GUCY2D: variants seen among roughly 807,000 people sequenced by gnomAD.
GUCY2D encodes retinal guanylyl cyclase 1.
GUCY2D carries 70 observed loss-of-function variants against 101.3 expected under a neutral mutation model. The observed-to-expected ratio is 0.69, with a 90% CI of 0.57 to 0.84. GUCY2D has a LOEUF of 0.84. Ranked by LOEUF, GUCY2D falls within the 40% of genes least tolerant of loss-of-function variation. The probability of loss-of-function intolerance (pLI) is 0.00; values close to 1 mark genes in which losing one functional copy is unlikely to be tolerated. For missense variants in GUCY2D, 1,460 were observed against 1,542.5 expected, an observed-to-expected ratio of 0.95 and a Z score of 0.90; for synonymous variants, 688 against 670.7, an observed-to-expected ratio of 1.03 and a Z score of -0.40.
rs1975937976 is a variant in GUCY2D, at chr17:8,015,057, G to A, written c.2769+6G>A. ...GTTCCCACGATGTCTACAAGGTGCAGTGTGTAGGGGACAAGCCCTCCTGAC... is the reference window on the plus strand; with the variant it reads ...GTTCCCACGATGTCTACAAGGTGCAATGTGTAGGGGACAAGCCCTCCTGAC... On this transcript the variant is annotated splice_donor_region_variant and intron_variant, in intron 14 of 19. Transcript: ENST00000254854. 1 of 1,611,560 alleles carries A rather than the reference G, an allele frequency of 6.2e-7. No homozygotes were observed. The highest frequency in any genetic ancestry group is 8.5e-7 in the Non-Finnish European group (1 of 1,178,472).
chr17:8,015,803 C>T lies in GUCY2D; in HGVS notation c.3005C>T (p.Thr1002Met), dbSNP rs1462685344. 1 of 1,612,632 alleles carries T rather than the reference C, an allele frequency of 6.2e-7. No individual in the cohort carries two copies. The highest frequency in any genetic ancestry group is 8.5e-7 in the Non-Finnish European group (1 of 1,179,530). ...CCGCGGTACTGCCTGTTTGGGGACA[C>T]GGTCAACACCGCCTCGCGCATGGAG... ...TMPRYCLFGD[T>M]VNTASRMEST... The change falls in exon 16 of 20, where the codon ACG (threonine) becomes ATG (methionine). Residue 1002 changes from threonine (T) to methionine (M), a missense_variant. Around this residue, in one of 3 missense-constraint regions of GUCY2D, gnomAD observed 215 missense variants for 227.9 expected, o/e 0.94. Coordinates refer to ENST00000254854, the MANE Select transcript of GUCY2D (RefSeq NM_000180.4).
chr17:8,012,068 A>C, intron 8 of GUCY2D, 76 bp from the exon 9 acceptor site: 1 of 1,059,958 alleles, frequency 9.4e-7, no homozygotes, highest in Non-Finnish European at 1.5e-6. Context: ...TGGATACTCA[A>C]AAACAGATCT....
intron 3 of GUCY2D, among the ~76,000 whole-genome samples, chr17:8,005,187 G>A (rs1372033440): frequency 1.3e-5 from 2 of 152,064 alleles, no homozygotes; most frequent in East Asian, 1.9e-4. Context: ...AAGATCATTC[G>A]AATTCATCCG....
intron 17 of GUCY2D, 70 bp downstream of exon 17, chr17:8,016,091 G>A: frequency 1.4e-6 from 2 of 1,431,300 alleles, no homozygotes; most frequent in Non-Finnish European, 9.7e-7. Flanking sequence ...CCGGGCCGCG[G>A]CTGCAAACCT....
Position 8,014,183 on chromosome 17 carries a change from C to A in GUCY2D, c.2412+155C>A, listed in dbSNP as rs890017383. 1.4e-6 allele frequency: 1 copy of A among 729,950 alleles called. No individual in the cohort carries two copies. Among genetic ancestry groups the A allele is most frequent in the Non-Finnish European group, 2.4e-6 (1 of 414,102 alleles). 45.2% of individuals were successfully genotyped at this position (729,950 alleles called of 1,614,324 possible). On this transcript the variant is annotated intron_variant, in intron 12 of 19. Transcript: ENST00000254854. This position sits in a 1 kb window ranked among gnomAD's most constrained non-coding sequence, Gnocchi z 4.0. ...AGCCTGAAGACTCGGAGTTTGGGGG[C>A]AGAATTGGAATGGGGGCTGTGGAGG...
intron 4 of GUCY2D, 102 bp downstream of exon 4, chr17:8,006,816 C>T: frequency 1.9e-6 from 2 of 1,050,726 alleles, no homozygotes. Flanking sequence ...TCTTCGATGC[C>T]CTTCTAGGCC....
At position 8,015,975 on chromosome 17, in the gene GUCY2D, T is replaced by C. The variant is rs1020193279; in HGVS notation, c.3092T>C (p.Leu1031Pro). The C allele has an allele frequency of 6.2e-7, 1 of 1,612,228 alleles. No homozygotes were observed. The change falls in exon 17 of 20, where the codon CTG (leucine) becomes CCG (proline). Residue 1031 changes from leucine to proline, a missense_variant. Around this residue, in one of 3 missense-constraint regions of GUCY2D, gnomAD observed 215 missense variants for 227.9 expected, o/e 0.94. Transcript: ENST00000254854. ...AGCACTGTGGGGATTCTCCGTGCTC[T>C]GGACTCGGGCTACCAGGTGGAGCTG... is the stretch of plus-strand genomic sequence containing the variant. ...NLSTVGILRALDSGYQVELRG... is the reference protein window; with the variant it reads ...NLSTVGILRAPDSGYQVELRG...
At position 8,003,231 on chromosome 17, in the gene GUCY2D, T is replaced by A. The variant is rs1423907063; in HGVS notation, c.184T>A (p.Trp62Arg). The A allele has an allele frequency of 6.6e-7, 1 of 1,518,510 alleles. No homozygotes were observed. The highest frequency in any genetic ancestry group is 8.8e-7 in the Non-Finnish European group (1 of 1,138,218). The allele number at this position is 1,518,510 out of a possible 1,614,324, so 94.1% of individuals were successfully genotyped here. The change falls in exon 2 of 20, where the codon TGG becomes AGG. Residue 62 changes from tryptophan (W) to arginine (R), a missense_variant. Trp to Arg is a moderately radical substitution (Grantham distance 101, BLOSUM62 -3). This residue lies in a region of GUCY2D where 1,196 missense variants were observed against 1,229.6 expected (regional missense o/e 0.97). Coordinates refer to ENST00000254854, the MANE Select transcript of GUCY2D (RefSeq NM_000180.4). Reference sequence around the variant, plus strand: ...GTTCACGGTGGGGGTCCTGGGCCCCTGGGCTTGCGACCCCATCTTCTCTCG... The same window carrying A: ...GTTCACGGTGGGGGTCCTGGGCCCCAGGGCTTGCGACCCCATCTTCTCTCG... ...AVFTVGVLGPWACDPIFSRAR... is the reference protein window; with the variant it reads ...AVFTVGVLGPRACDPIFSRAR...
Position 8,014,992 on chromosome 17 carries a change from C to T in GUCY2D, c.2710C>T (p.Leu904=), listed in dbSNP as rs755324667. 4 of 1,599,186 alleles carry T rather than the reference C, an allele frequency of 2.5e-6. No homozygotes were observed. The highest frequency in any genetic ancestry group is 2.7e-5 in the African/African-American group (2 of 73,016). Reference sequence around the variant, plus strand: ...GAGTGAGCCCATTGAGGTTGTGGACCTGCTCAACGATCTCTACACACTCTT... The same window carrying T: ...GAGTGAGCCCATTGAGGTTGTGGACTTGCTCAACGATCTCTACACACTCTT... The part of the protein sequence containing the change: ...AMSEPIEVVD[L]LNDLYTLFDA... The change falls in exon 14 of 20, where the codon CTG becomes TTG. Residue 904 remains leucine, a synonymous_variant. Coordinates refer to ENST00000254854, the MANE Select transcript of GUCY2D (RefSeq NM_000180.4). This position sits in a 1 kb window ranked among gnomAD's most constrained non-coding sequence, Gnocchi z 4.0.
At chr17:8,005,874 T>C (rs1313754822) in intron 3 of GUCY2D, among the ~76,000 whole-genome samples, 2 of 152,118 alleles carry the variant, frequency 1.3e-5, no homozygotes, top group Non-Finnish European at 2.9e-5. Context: ...AGGTTTTTTG[T>C]TTGTTTTTTG....
At chr17:8,003,807 C>A in intron 2 of GUCY2D, 39 bp downstream of exon 2, 1 of 1,603,284 alleles carries the variant, frequency 6.2e-7, no homozygotes. Flanking sequence ...TCGGCTGGTC[C>A]TGCCGGCAGC....
At chr17:8,007,342 A>G (rs1401523265) in intron 5 of GUCY2D, 84 bp from the exon 6 acceptor site, 2 of 1,032,494 alleles carry the variant, frequency 1.9e-6, no homozygotes, top group Non-Finnish European at 1.5e-6. Flanking sequence ...CCCTGAGCCA[A>G]CGTTATCCCT....
chr17:8,014,502 C>T lies in GUCY2D; in HGVS notation c.2413-99C>T. On this transcript the variant is annotated intron_variant, in intron 12 of 19. Transcript: ENST00000254854. The surrounding 1 kb of genome is among the most constrained non-coding windows in gnomAD (Gnocchi z 4.0). Reference sequence around the variant, plus strand: ...GAATGGTGGCAGCGGGGTTGGGGTTCAGAGTGAACAGCCCCATGAGAGGGC... The same window carrying T: ...GAATGGTGGCAGCGGGGTTGGGGTTTAGAGTGAACAGCCCCATGAGAGGGC... 1.8e-6 allele frequency: 2 copies of T among 1,125,916 alleles called. No individual in the cohort carries two copies. The highest frequency in any genetic ancestry group is 2.7e-6 in the Non-Finnish European group (2 of 741,280). The allele number at this position is 1,125,916 out of a possible 1,614,324, so 69.7% of individuals were successfully genotyped here. A position where few individuals can be genotyped will look rare whatever the true frequency, so the allele number is the denominator to read the frequency against.
chr17:8,016,863 C>A, intron 19 of GUCY2D: 1 of 316,840 alleles, frequency 3.2e-6, no homozygotes. Flanking sequence ...GTGCACTGCA[C>A]AAGAGACAAC....
intron 16 of GUCY2D, 43 bp downstream of exon 16, chr17:8,015,884 C>T (rs770164381): frequency 1.9e-6 from 3 of 1,596,752 alleles, no homozygotes; most frequent in South Asian, 2.2e-5. Context: ...GAGGGGGACA[C>T]GGGAGGTGAG....
intron 3 of GUCY2D, 54 bp from the exon 4 acceptor site, chr17:8,006,309 G>C: frequency 1.5e-6 from 2 of 1,352,430 alleles, no homozygotes; most frequent in Non-Finnish European, 2.1e-6. Context: ...GAAAGAATCT[G>C]GTCTGTCTGT....
chr17:8,003,442 C>A lies in GUCY2D; in HGVS notation c.395C>A (p.Ala132Asp). 6.6e-7 allele frequency: 1 copy of A among 1,517,944 alleles called. No individual in the cohort carries two copies. Among genetic ancestry groups the A allele is most frequent in the South Asian group, 1.2e-5 (1 of 82,826 alleles). 94.0% of individuals were successfully genotyped at this position (1,517,944 alleles called of 1,614,324 possible). The part of the protein sequence containing the change: ...SGLVGPVNPA[A>D]CRPAELLAEE... The stretch of plus-strand genomic sequence containing the variant: ...CTCGTGGGTCCGGTGAACCCTGCGG[C>A]CTGCCGGCCAGCCGAGCTGCTCGCC... Residue 132 changes from alanine to aspartate, a missense_variant, in exon 2 of 20, where the codon GCC becomes GAC. By Grantham distance (126) the Ala-to-Asp change is moderately radical. Transcript: ENST00000254854.
At chr17:8,018,243 G>A (rs911126022) in intron 19 of GUCY2D, among the ~76,000 whole-genome samples, 10 of 152,216 alleles carry the variant, frequency 6.6e-5, no homozygotes, top group African/African-American at 2.4e-4. Flanking sequence ...ATACGACAGT[G>A]AGAGGGAATT....
At position 8,015,389 on chromosome 17, in the gene GUCY2D, G is replaced by A. The variant is rs369527655; in HGVS notation, c.2831G>A (p.Arg944Gln). ...ASGLPQRNGQRHAAEIANMSL... is the reference protein window; with the variant it reads ...ASGLPQRNGQQHAAEIANMSL... Reference sequence around the variant, plus strand: ...GGGCTGCCCCAGCGGAATGGGCAGCGACACGCGGCAGAGATCGCCAACATG... The same window carrying A: ...GGGCTGCCCCAGCGGAATGGGCAGCAACACGCGGCAGAGATCGCCAACATG... The change falls in exon 15 of 20, where the codon CGA becomes CAA. Residue 944 changes from arginine (R) to glutamine (Q), a missense_variant. Arg to Gln is a conservative substitution (Grantham distance 43). Coordinates refer to ENST00000254854, the MANE Select transcript of GUCY2D (RefSeq NM_000180.4). The A allele has an allele frequency of 4.3e-6, 7 of 1,613,016 alleles. No homozygotes were observed. The African/African-American group carries it at 6.7e-5, about 15-fold the overall frequency.
Sources: gnomAD v4.1 joint callset for allele counts (sites outside exome capture counted in the v4.1 genomes callset) on GRCh38, gnomAD v4.1.1 for gene constraint, gnomAD v4.1.1 regional missense constraint, Gnocchi (gnomAD v3.1) non-coding constraint, MANE v1.5 for transcripts, NCBI Gene and HGNC (gene_info 2026-07-23, HGNC 2026-07-21) for gene names.